Variants in MOB3A observed in about 807,000 individuals in gnomAD.
The protein encoded by MOB3A is MOB kinase activator 3A, also known as MOB LAK.
A neutral mutation model predicts 17.8 loss-of-function variants in MOB3A; 17 were observed. The observed-to-expected ratio is 0.95, with a 90% CI of 0.65 to 1.43. MOB3A has a LOEUF of 1.43. MOB3A is among the 40% of genes most tolerant of loss of function. The pLI is 0.00. For missense variants in MOB3A, 333 were observed against 310.8 expected (o/e 1.07, Z -0.54); for synonymous variants, 124 against 133.2 (o/e 0.93, Z 0.48).
Position 2,091,477 on chromosome 19 carries a change from G to C in MOB3A, c.-274+4749C>G, listed in dbSNP as rs528621464. On this transcript the variant is annotated intron_variant, in intron 1 of 4. Coordinates refer to ENST00000357066, the MANE Select transcript of MOB3A (RefSeq NM_130807.3). Reference sequence around the variant, plus strand: ...CGGCTCACTGCAAGCTCTGCCTCCCGGGCTCAAGCAATTCTCCTGCCTCAG... The same window carrying C: ...CGGCTCACTGCAAGCTCTGCCTCCCCGGCTCAAGCAATTCTCCTGCCTCAG... Among the ~76,000 whole-genome samples, 6 of 151,842 alleles carry C rather than the reference G, an allele frequency of 4.0e-5. No homozygotes were observed. The East Asian group carries it at 9.8e-4, about 25-fold the overall frequency.
chr19:2,078,833 ACTGCAAC>A lies in MOB3A; in HGVS notation c.-119-161_-119-155del, dbSNP rs145144895. ...GAGTACAGTGGTGCCATCACAGCTC[ACTGCAAC>A]CTCTGCCTCCCAGGCCCAAGCGATC... On this transcript the variant is annotated intron_variant, in intron 2 of 4. Coordinates refer to ENST00000357066, the MANE Select transcript of MOB3A (RefSeq NM_130807.3). The A allele has an allele frequency of 5.0e-3, 1,862 of 368,764 alleles. 100 individuals carry two copies. The East Asian group carries it at 0.077, about 15-fold the overall frequency. The allele number at this position is 368,764 out of a possible 1,614,324, so 22.8% of individuals were successfully genotyped here. A position where few individuals can be genotyped will look rare whatever the true frequency, so the allele number is the denominator to read the frequency against.
intron 2 of MOB3A, among the ~76,000 whole-genome samples, chr19:2,080,526 T>C (rs1406841747): frequency 3.3e-5 from 5 of 152,188 alleles, no homozygotes; most frequent in Non-Finnish European, 7.4e-5. Context: ...TACAGGCACG[T>C]GCAACCACAC....
chr19:2,073,197 A>C lies in MOB3A; in HGVS notation c.*198T>G. The C allele has an allele frequency of 6.1e-6, 4 of 658,856 alleles. No homozygotes were observed. The highest frequency in any genetic ancestry group is 1.1e-5 in the Non-Finnish European group (4 of 370,520). The allele number at this position is 658,856 out of a possible 1,614,324, so 40.8% of individuals were successfully genotyped here. A position where few individuals can be genotyped will look rare whatever the true frequency, so the allele number is the denominator to read the frequency against. On this transcript the variant is annotated 3_prime_UTR_variant, in exon 5 of 5. Coordinates refer to ENST00000357066, the MANE Select transcript of MOB3A (RefSeq NM_130807.3). The stretch of plus-strand genomic sequence containing the variant: ...TTCACGTTTTAGTCCCAGACGGGAG[A>C]CTGAGGCTCGAGACTGAGGAAGGCA...
intron 1 of MOB3A, chr19:2,085,634 T>C (rs976869910): frequency 3.9e-5 from 6 of 152,132 alleles, no homozygotes; most frequent in African/African-American, 9.7e-5. Flanking sequence ...CCAGCCCTCA[T>C]ACTTGGCTGG....
At chr19:2,086,002 C>A (rs1014468036) in intron 1 of MOB3A, among the ~76,000 whole-genome samples, 23 of 149,592 alleles carry the variant, frequency 1.5e-4, no homozygotes, top group Non-Finnish European at 3.1e-4. Flanking sequence ...CATCCCGGAG[C>A]CACCTTCCAA....
intron 4 of MOB3A, among the ~76,000 whole-genome samples, chr19:2,074,276 GAAACTTTATTTACAAA>G: frequency 6.6e-6 from 1 of 151,998 alleles, no homozygotes; most frequent in East Asian, 1.9e-4. Context: ...AAAAACCCCA[GAAACTTTATTTACAAA>G]AACAGGAAGC....
intron 1 of MOB3A, 138 bp from the exon 2 acceptor site, chr19:2,085,466 C>G (rs1477754150): frequency 3.3e-5 from 5 of 151,600 alleles, no homozygotes; most frequent in African/African-American, 9.7e-5. Flanking sequence ...TCACGGACCA[C>G]AGTCACCCAC....
At chr19:2,084,081 C>CT in intron 2 of MOB3A, 1 of 465,612 alleles carries the variant, frequency 2.1e-6, no homozygotes, top group Non-Finnish European at 4.3e-6. Flanking sequence ...TGAGGCTTAT[C>CT]TTTGTCTATA....
rs77272218 is a variant in MOB3A at position 2,079,482 on chromosome 19, G to A, written c.-119-803C>T. Among the ~76,000 whole-genome samples the A allele has an allele frequency of 8.0e-3, 1,217 of 152,312 alleles. 17 individuals carry two copies. The highest frequency in any genetic ancestry group is 0.028 in the African/African-American group (1,172 of 41,576). ...GGAGTGAGGCAGATACGGGGGAGAC[G>A]GCTGTGCGAGGATGCAGGCAGAGAT... On this transcript the variant is annotated intron_variant, in intron 2 of 4. Coordinates refer to ENST00000357066, the MANE Select transcript of MOB3A (RefSeq NM_130807.3).
chr19:2,091,416 C>CTCTG (rs2017612524), intron 1 of MOB3A, among the ~76,000 whole-genome samples: 4 of 152,038 alleles, frequency 2.6e-5, no homozygotes, highest in Non-Finnish European at 4.4e-5. Context: ...CCGAGTCTTG[C>CTCTG]TCTGTCACCC....
At chr19:2,075,060 T>C (rs959186532) in intron 4 of MOB3A, among the ~76,000 whole-genome samples, 9 of 147,544 alleles carry the variant, frequency 6.1e-5, no homozygotes, top group African/African-American at 2.3e-4. Flanking sequence ...GACAGGTTAC[T>C]GGCTGTCACC....
chr19:2,078,076 G>A, intron 3 of MOB3A, 64 bp downstream of exon 3: 1 of 1,461,974 alleles, frequency 6.8e-7, no homozygotes, highest in Non-Finnish European at 9.1e-7. Context: ...GAGCCACTGT[G>A]CTCGGCCTCC....
At chr19:2,087,882 T>TGACTGGGCACCACC (rs1214470424) in intron 1 of MOB3A, among the ~76,000 whole-genome samples, 1 of 152,172 alleles carries the variant, frequency 6.6e-6, no homozygotes, top group African/African-American at 2.4e-5. Flanking sequence ...GATCTGGGCT[T>TGACTGGGCACCACC]GACTGGGCAC....
chr19:2,076,928 G>C lies in MOB3A; in HGVS notation c.507C>G (p.His169Gln). The change falls in exon 4 of 5, where the codon CAC (histidine) becomes CAG (glutamine). Residue 169 changes from histidine (H) to glutamine (Q), a missense_variant. Transcript: ENST00000357066. Reference sequence around the variant, plus strand: ...CCATCTGCGCGATGCGGTCAAAGTGGTGGATGTAGACGTGCACGAACACGC... The same window carrying C: ...CCATCTGCGCGATGCGGTCAAAGTGCTGGATGTAGACGTGCACGAACACGC... The part of the protein sequence containing the change: ...LFRVFVHVYI[H>Q]HFDRIAQMGS... 1 of 1,614,074 alleles carries C rather than the reference G, an allele frequency of 6.2e-7. No homozygotes were observed. Among genetic ancestry groups the C allele is most frequent in the Non-Finnish European group, 8.5e-7 (1 of 1,180,050 alleles).
intron 1 of MOB3A, among the ~76,000 whole-genome samples, chr19:2,088,430 C>T (rs879815122): frequency 4.6e-5 from 7 of 151,976 alleles, no homozygotes; most frequent in East Asian, 1.9e-4. Context: ...CAGCCTCCTG[C>T]GTAGCTGGGA....
intron 3 of MOB3A, among the ~76,000 whole-genome samples, chr19:2,077,918 C>T (rs771550788): frequency 1.2e-4 from 19 of 152,044 alleles, no homozygotes; most frequent in South Asian, 6.2e-4. Flanking sequence ...CGAGTAGCTG[C>T]GACCAAAGGC....
intron 2 of MOB3A, among the ~76,000 whole-genome samples, chr19:2,079,943 C>G (rs1237259202): frequency 6.6e-6 from 1 of 152,218 alleles, no homozygotes; most frequent in African/African-American, 2.4e-5. Context: ...ACCCGGCGTC[C>G]TCCTACTCCC....
At chr19:2,090,478 G>A (rs538620405) in intron 1 of MOB3A, among the ~76,000 whole-genome samples, 1 of 152,064 alleles carries the variant, frequency 6.6e-6, no homozygotes. Flanking sequence ...CTCCTGGCAT[G>A]GAGTGGGTGG....
Position 2,093,305 on chromosome 19 carries a change from G to A in MOB3A, c.-274+2921C>T, listed in dbSNP as rs928960718. Among the ~76,000 whole-genome samples the A allele has an allele frequency of 7.9e-5, 12 of 152,036 alleles. No homozygotes were observed. The highest frequency in any genetic ancestry group is 1.0e-4 in the Non-Finnish European group (7 of 68,002). On this transcript the variant is annotated intron_variant, in intron 1 of 4. Transcript: ENST00000357066. This position sits in a 1 kb window ranked among gnomAD's most constrained non-coding sequence, Gnocchi z 4.6. ...CCTGAGTAGCTGGGACTACAGGCAC[G>A]CGCCAGCATGCCCGGGTAAATTTTG...
Sources: allele counts gnomAD v4.1 joint callset (sites outside exome capture counted in the v4.1 genomes callset), GRCh38; gene constraint gnomAD v4.1.1; non-coding constraint Gnocchi (gnomAD v3.1); transcripts MANE v1.5; gene names NCBI Gene and HGNC (gene_info 2026-07-23, HGNC 2026-07-21).